Variants in C5orf22 observed in about 807,000 individuals in gnomAD.
C5orf22 encodes UPF0489 protein C5orf22.
Under a neutral mutation model 48.7 loss-of-function variants are expected in C5orf22, and 36 were observed. The observed-to-expected ratio is 0.74, with a 90% CI of 0.57 to 0.98. The LOEUF (loss-of-function observed/expected upper bound fraction) is 0.98, where lower values mean the gene tolerates loss of function less well. Ranked by LOEUF, C5orf22 falls within the 50% of genes least tolerant of loss-of-function variation. C5orf22 has a pLI of 0.00. For missense variants in C5orf22, 486 were observed against 521.9 expected (o/e 0.93, Z 0.67); for synonymous variants, 141 against 180.8 (o/e 0.78, Z 1.76).
chr5:31,540,789 C>A (rs1742402891), intron 4 of C5orf22, 160 bp from the exon 5 acceptor site: 1 of 580,446 alleles, frequency 1.7e-6, no homozygotes, highest in South Asian at 2.3e-5. Context: ...CAATAAAAAT[C>A]TAAAGTATAC....
At chr5:31,545,061 TA>T (rs1742770330) in intron 6 of C5orf22, among the ~76,000 whole-genome samples, 1 of 149,814 alleles carries the variant, frequency 6.7e-6, no homozygotes, top group Admixed American at 6.7e-5. Flanking sequence ...CTAATCAAAA[TA>T]ATTTTTTTTT....
chr5:31,533,773 G>A (rs1304094857), intron 1 of C5orf22, among the ~76,000 whole-genome samples: 2 of 151,500 alleles, frequency 1.3e-5, no homozygotes, highest in Non-Finnish European at 2.9e-5. Context: ...GTAGTGGTGC[G>A]TGCCTGTAAT....
chr5:31,555,004 T>C lies in C5orf22; in HGVS notation c.*2102T>C, dbSNP rs1340139570. On this transcript the variant is annotated 3_prime_UTR_variant, in exon 9 of 9. Coordinates refer to ENST00000325366, the MANE Select transcript of C5orf22 (RefSeq NM_018356.3). ...GGATACCGTGGTACAGTGTTTTGAA[T>C]TGTGTACTAATATCATTAAAGCATG... 1 of 152,204 alleles carries C rather than the reference T, an allele frequency of 6.6e-6. No individual in the cohort carries two copies. The highest frequency in any genetic ancestry group is 1.5e-5 in the Non-Finnish European group (1 of 68,034). The allele number at this position is 152,204 out of a possible 1,614,324, so 9.4% of individuals were successfully genotyped here.
intron 8 of C5orf22, 99 bp downstream of exon 8, chr5:31,551,531 C>A: frequency 1.1e-6 from 1 of 926,478 alleles, no homozygotes; most frequent in Non-Finnish European, 1.6e-6. Context: ...AGGAAATTCG[C>A]AGTGTGATTA....
intron 6 of C5orf22, among the ~76,000 whole-genome samples, chr5:31,542,001 C>A (rs1742497007): frequency 6.6e-6 from 1 of 152,012 alleles, no homozygotes; most frequent in African/African-American, 2.4e-5. Context: ...TGTTTTTAGT[C>A]TTTGTATGGT....
intron 2 of C5orf22, among the ~76,000 whole-genome samples, chr5:31,535,260 C>G (rs1195474933): frequency 1.2e-4 from 18 of 152,198 alleles, no homozygotes; most frequent in Admixed American, 1.1e-3. Context: ...AGTTCAATCA[C>G]AAGTGCTTTT....
chr5:31,535,022 AAT>A (rs1491389884), intron 2 of C5orf22: 1 of 454,160 alleles, frequency 2.2e-6, no homozygotes, highest in Admixed American at 2.4e-5. Context: ...TTTTGGTTGA[AAT>A]ATATGATGAA....
Position 31,538,376 on chromosome 5 carries a change from G to A in C5orf22, c.494G>A (p.Cys165Tyr). Residue 165 changes from cysteine to tyrosine, a missense_variant, in exon 4 of 9, where the codon TGT (cysteine) becomes TAT (tyrosine). By Grantham distance (194) the Cys-to-Tyr change is radical. Transcript: ENST00000325366. ...DVIMVKPYKL[C>Y]NNQEENDAVS... ...ATTATGGTAAAACCTTATAAACTCT[G>A]TAACAATCAAGAAGAAAACGATGCA... 1 of 1,614,146 alleles carries A rather than the reference G, an allele frequency of 6.2e-7. No homozygotes were observed. Among genetic ancestry groups the A allele is most frequent in the Non-Finnish European group, 8.5e-7 (1 of 1,180,016 alleles).
At chr5:31,537,887 G>A (rs193042048) in intron 3 of C5orf22, among the ~76,000 whole-genome samples, 9 of 152,336 alleles carry the variant, frequency 5.9e-5, no homozygotes, top group South Asian at 2.1e-4. Flanking sequence ...TTGCACCACC[G>A]TCTCTAGAAT....
intron 3 of C5orf22, chr5:31,538,027 A>G: frequency 2.3e-6 from 1 of 426,856 alleles, no homozygotes; most frequent in Non-Finnish European, 4.2e-6. Context: ...ATTTAATCAC[A>G]TGGCCACACC....
chr5:31,534,895 A>G, intron 2 of C5orf22: 1 of 402,668 alleles, frequency 2.5e-6, no homozygotes, highest in South Asian at 1.8e-5. Context: ...AAACAAACCA[A>G]AAAAACTTTG....
intron 1 of C5orf22, 59 bp downstream of exon 1, chr5:31,532,532 G>A: frequency 6.9e-7 from 1 of 1,450,298 alleles, no homozygotes; most frequent in South Asian, 1.2e-5. Flanking sequence ...ACGCTCAGAG[G>A]GCCAAGCAGA....
Position 31,541,336 on chromosome 5 carries a change from C to T in C5orf22, c.926C>T (p.Ala309Val). 1 of 1,613,354 alleles carries T rather than the reference C, an allele frequency of 6.2e-7. No homozygotes were observed. The change falls in exon 6 of 9, where the codon GCC becomes GTC. Residue 309 changes from alanine (A) to valine (V), a missense_variant. By Grantham distance (64) the Ala-to-Val change is moderately conservative. This residue lies in a region of C5orf22 where 408 missense variants were observed against 444.0 expected (regional missense o/e 0.92). Coordinates refer to ENST00000325366, the MANE Select transcript of C5orf22 (RefSeq NM_018356.3). ...TRIHQLEDLE[A>V]TFADLCDGDD... ...ATTCATCAATTAGAGGATTTAGAAG[C>T]CACTTTCGCTGATTTGTGTGATGGT...
chr5:31,536,696 A>G (rs1227975246), intron 3 of C5orf22, among the ~76,000 whole-genome samples: 3 of 152,240 alleles, frequency 2.0e-5, no homozygotes, highest in Admixed American at 6.5e-5. Flanking sequence ...AGTAAATTAC[A>G]GTATCCTCTG....
intron 1 of C5orf22, among the ~76,000 whole-genome samples, chr5:31,533,282 A>T (rs963110465): frequency 6.6e-6 from 1 of 151,448 alleles, no homozygotes; most frequent in African/African-American, 2.4e-5. Context: ...AAAAAAATTT[A>T]ACACGGTGCC....
intron 6 of C5orf22, among the ~76,000 whole-genome samples, chr5:31,542,363 G>A (rs1298758189): frequency 6.6e-6 from 1 of 151,200 alleles, no homozygotes; most frequent in Non-Finnish European, 1.5e-5. Context: ...GGGAGACTGA[G>A]GCAGGAAAAT....
rs1742037057 is a variant in C5orf22 at position 31,535,862 on chromosome 5, G to C, written c.346G>C (p.Val116Leu). ...QIREGRHHFLVGKDTSTTTIR... is the reference protein window; with the variant it reads ...QIREGRHHFLLGKDTSTTTIR... ...CAGAGAGGGCAGACACCACTTTTTA[G>C]TAGGCAAAGACACTTCTACCACAAC... The change falls in exon 3 of 9, where the codon GTA becomes CTA. Residue 116 changes from valine (V) to leucine (L), a missense_variant. Around this residue, in one of 3 missense-constraint regions of C5orf22, gnomAD observed 408 missense variants for 444.0 expected, o/e 0.92. Coordinates refer to ENST00000325366, the MANE Select transcript of C5orf22 (RefSeq NM_018356.3). The C allele has an allele frequency of 6.2e-7, 1 of 1,613,278 alleles. No homozygotes were observed. The highest frequency in any genetic ancestry group is 8.5e-7 in the Non-Finnish European group (1 of 1,179,842).
At chr5:31,532,573 G>A (rs1234882465) in intron 1 of C5orf22, 100 bp downstream of exon 1, 9 of 989,668 alleles carry the variant, frequency 9.1e-6, no homozygotes, top group Non-Finnish European at 1.2e-5. Context: ...AGGCCAGAGA[G>A]TTAACCAGAG....
intron 7 of C5orf22, among the ~76,000 whole-genome samples, chr5:31,545,963 TG>T (rs1742856010): frequency 6.6e-6 from 1 of 152,210 alleles, no homozygotes; most frequent in African/African-American, 2.4e-5. Context: ...GTGTGTTTTT[TG>T]TAATTTTGTC....
Sources: allele counts gnomAD v4.1 joint callset (sites outside exome capture counted in the v4.1 genomes callset), GRCh38; gene constraint gnomAD v4.1.1; regional missense constraint gnomAD v4.1.1; transcripts MANE v1.5; gene names NCBI Gene and HGNC (gene_info 2026-07-23, HGNC 2026-07-21).